The following RPTOR variants were observed in gnomAD, a reference collection of about 807,000 sequenced individuals.
The protein encoded by RPTOR is regulatory associated protein of MTOR complex 1.
In RPTOR, 21 loss-of-function variants were observed where a neutral mutation model predicts 169.9. That is an observed-to-expected ratio of 0.12 (90% CI 0.09 to 0.18). RPTOR has a LOEUF of 0.18. Among genes scored for constraint, RPTOR ranks in the 10% least tolerant of loss-of-function variants. The probability of loss-of-function intolerance (pLI) is 1.00; values close to 1 mark genes in which losing one functional copy is unlikely to be tolerated. For synonymous variants in RPTOR, 732 were observed against 753.2 expected (o/e 0.97, Z 0.46); for missense variants, 1,133 against 1,855.9 (o/e 0.61, Z 7.16).
intron 6 of RPTOR, among the ~76,000 whole-genome samples, chr17:80,779,898 C>T (rs536489278): frequency 2.0e-5 from 3 of 152,294 alleles, no homozygotes; most frequent in African/African-American, 7.2e-5. Flanking sequence ...GAGCTCCGTT[C>T]TCGGGGTGCT....
At chr17:80,846,626 C>G in intron 11 of RPTOR, 52 bp downstream of exon 11, 2 of 1,503,904 alleles carry the variant, frequency 1.3e-6, no homozygotes, top group South Asian at 2.3e-5. Flanking sequence ...GGAAGGAAGC[C>G]AGATGCCTGT....
Position 80,822,192 on chromosome 17 carries a change from G to A in RPTOR, c.891-9G>A. On this transcript the variant is annotated splice_polypyrimidine_tract_variant and intron_variant, in intron 7 of 33. Coordinates refer to ENST00000306801, the MANE Select transcript of RPTOR (RefSeq NM_020761.3). The stretch of plus-strand genomic sequence containing the variant: ...GGCATCACTCATGAGAACGCCCCTT[G>A]TTTTCTAGGATCCCTGGCCGCCTGA... 4 of 1,613,828 alleles carry A rather than the reference G, an allele frequency of 2.5e-6. No individual in the cohort carries two copies. The highest frequency in any genetic ancestry group is 3.4e-6 in the Non-Finnish European group (4 of 1,179,782).
chr17:80,654,089 T>C (rs893314132), intron 3 of RPTOR, among the ~76,000 whole-genome samples: 1 of 152,162 alleles, frequency 6.6e-6, no homozygotes, highest in Non-Finnish European at 1.5e-5. Context: ...GATGCCAGGC[T>C]CAGGTGGTGC....
At chr17:80,685,466 T>C (rs2143721274) in intron 3 of RPTOR, among the ~76,000 whole-genome samples, 1 of 149,956 alleles carries the variant, frequency 6.7e-6, no homozygotes, top group African/African-American at 2.5e-5. Flanking sequence ...TTTTTTAATG[T>C]AGGAATAGAG....
intron 6 of RPTOR, among the ~76,000 whole-genome samples, chr17:80,777,547 G>GT (rs71892521): frequency 0.27 from 40,036 of 145,662 alleles, 5,482 homozygotes; most frequent in African/African-American, 0.33. Context: ...GGCCTTTGTT[G>GT]TTTTTTTTTT....
At chr17:80,944,527 G>A (rs1348223720) in intron 25 of RPTOR, among the ~76,000 whole-genome samples, 2 of 152,178 alleles carry the variant, frequency 1.3e-5, no homozygotes, top group African/African-American at 2.4e-5. Flanking sequence ...CTCATTCTGG[G>A]TACTCAGTGG....
chr17:80,895,123 ACT>A (rs1360750584), intron 20 of RPTOR, among the ~76,000 whole-genome samples: 6 of 151,988 alleles, frequency 3.9e-5, no homozygotes, highest in Non-Finnish European at 8.8e-5. Context: ...TAATAAGCAA[ACT>A]CAGAATTCAG....
chr17:80,711,742 G>GTTTTTTTTTTTTTTTTTTT (rs1298623680), intron 4 of RPTOR, among the ~76,000 whole-genome samples: 5 of 51,400 alleles, frequency 9.7e-5, no homozygotes, highest in African/African-American at 5.6e-4. Flanking sequence ...TTATACATCA[G>GTTTTTTTTTTTTTTTTTTT]TCTTTTTTTT....
At chr17:80,938,708 G>A (rs1486597840) in intron 24 of RPTOR, among the ~76,000 whole-genome samples, 2 of 152,122 alleles carry the variant, frequency 1.3e-5, no homozygotes, top group Non-Finnish European at 2.9e-5. Context: ...TATCGAGTGT[G>A]GTTTTGTGAC....
rs569642446 is a variant in RPTOR, at chr17:80,954,922, A to G, written c.3371-2702A>G. 7.9e-5 allele frequency among the ~76,000 whole-genome samples: 12 copies of G among 152,334 alleles called. No homozygotes were observed. The East Asian group carries it at 1.2e-3, about 15-fold the overall frequency. ...AAAGTGTGAGACTACATCTCAAAAA[A>G]AAAGAAAGAAAGAAAGAAAGAAATC... On this transcript the variant is annotated intron_variant, in intron 28 of 33. Coordinates refer to ENST00000306801, the MANE Select transcript of RPTOR (RefSeq NM_020761.3).
intron 20 of RPTOR, among the ~76,000 whole-genome samples, chr17:80,908,437 A>G (rs2068571611): frequency 6.6e-6 from 1 of 152,094 alleles, no homozygotes; most frequent in Admixed American, 6.6e-5. Context: ...TCCATGCCAC[A>G]TGCACCACTA....
chr17:80,626,375 A>T (rs918430090), intron 2 of RPTOR, among the ~76,000 whole-genome samples: 11 of 147,256 alleles, frequency 7.5e-5, no homozygotes, highest in Middle Eastern at 3.4e-3. Flanking sequence ...TCTACTTTAT[A>T]TTTGTTCTGT....
chr17:80,899,180 C>T (rs1368426694), intron 20 of RPTOR, among the ~76,000 whole-genome samples: 9 of 152,190 alleles, frequency 5.9e-5, no homozygotes, highest in Admixed American at 5.9e-4. Context: ...GCCCAGAAAG[C>T]GCAGAGTTGA....
chr17:80,949,971 G>A lies in RPTOR; in HGVS notation c.3370+424G>A, dbSNP rs144381714. Among the ~76,000 whole-genome samples the A allele has an allele frequency of 6.6e-3, 1,012 of 152,372 alleles. 7 individuals are homozygous for A. The highest frequency in any genetic ancestry group is 0.022 in the African/African-American group (927 of 41,592). ...TGCACATGGCCATCTGGGGCCTCACGCGCTCGCTGGCATGCCTGGGCTGGT... is the reference window on the plus strand; with the variant it reads ...TGCACATGGCCATCTGGGGCCTCACACGCTCGCTGGCATGCCTGGGCTGGT... On this transcript the variant is annotated intron_variant, in intron 28 of 33. Transcript: ENST00000306801.
chr17:80,666,559 C>T (rs970520550), intron 3 of RPTOR, among the ~76,000 whole-genome samples: 6 of 152,182 alleles, frequency 3.9e-5, no homozygotes, highest in African/African-American at 9.7e-5. Context: ...GCCATATATG[C>T]GTCACTTTGC....
At chr17:80,830,230 C>T (rs1272754698) in intron 9 of RPTOR, among the ~76,000 whole-genome samples, 2 of 152,174 alleles carry the variant, frequency 1.3e-5, no homozygotes. Flanking sequence ...CCACTGGCCT[C>T]AGTTTCCAGA....
At chr17:80,846,608 G>C in intron 11 of RPTOR, 34 bp downstream of exon 11, 2 of 1,593,630 alleles carry the variant, frequency 1.3e-6, no homozygotes, top group African/African-American at 1.3e-5. Context: ...GACAGCCGAG[G>C]TTCCTCAGGA....
At chr17:80,627,836 A>ATTTT (rs34155053) in intron 2 of RPTOR, among the ~76,000 whole-genome samples, 1 of 139,646 alleles carries the variant, frequency 7.2e-6, no homozygotes, top group South Asian at 2.3e-4. Flanking sequence ...GTATGTTTAA[A>ATTTT]TTTTTTTTTT....
intron 3 of RPTOR, among the ~76,000 whole-genome samples, chr17:80,674,936 T>C (rs1463833247): frequency 2.0e-5 from 3 of 152,184 alleles, no homozygotes; most frequent in African/African-American, 7.2e-5. Context: ...TGAATCGTCC[T>C]GACGTGGAGG....
Sources: gnomAD v4.1 joint callset for allele counts (sites outside exome capture counted in the v4.1 genomes callset) on GRCh38, gnomAD v4.1.1 for gene constraint, MANE v1.5 for transcripts, NCBI Gene and HGNC (gene_info 2026-07-23, HGNC 2026-07-21) for gene names.